PRKCA: variants seen among roughly 807,000 people sequenced by gnomAD.
The protein encoded by PRKCA is protein kinase C alpha type.
PRKCA carries 27 observed loss-of-function variants against 87.0 expected under a neutral mutation model. That is an observed-to-expected ratio of 0.31 (90% CI 0.23 to 0.43). PRKCA has a LOEUF of 0.43. Among genes scored for constraint, PRKCA ranks in the 20% least tolerant of loss-of-function variants. The pLI, the probability that PRKCA is intolerant of heterozygous loss-of-function variation, is 1.00. For synonymous variants in PRKCA, 329 were observed against 311.1 expected (o/e 1.06, Z -0.61); for missense variants, 518 against 852.3 (o/e 0.61, Z 4.88).
chr17:66,718,051 A>T (rs1973520978), intron 8 of PRKCA, among the ~76,000 whole-genome samples: 1 of 152,206 alleles, frequency 6.6e-6, no homozygotes, highest in Non-Finnish European at 1.5e-5. Context: ...GGACTGACTT[A>T]CTAAGGATCA....
intron 2 of PRKCA, among the ~76,000 whole-genome samples, chr17:66,462,694 T>C (rs1432766115): frequency 6.6e-6 from 1 of 152,184 alleles, no homozygotes; most frequent in Non-Finnish European, 1.5e-5. Flanking sequence ...GCAGCTTCTT[T>C]AGAGGCAATT....
rs73333324 is a variant in PRKCA at position 66,414,751 on chromosome 17, T to A, written c.206-81450T>A. Among the ~76,000 whole-genome samples, 399 of 152,284 alleles carry A rather than the reference T, an allele frequency of 2.6e-3. 3 individuals carry two copies. Among genetic ancestry groups the A allele is most frequent in the African/African-American group, 9.0e-3 (376 of 41,560 alleles). On this transcript the variant is annotated intron_variant, in intron 2 of 16. Transcript: ENST00000413366. ...ATGTTATAGTCTGGTGAACGCCAGG[T>A]GTACTGTACTGGAGAAAATAGAAAA...
intron 3 of PRKCA, among the ~76,000 whole-genome samples, chr17:66,592,360 A>AAAAAAAAAAC (rs1186925292): frequency 6.6e-6 from 1 of 151,616 alleles, no homozygotes; most frequent in Non-Finnish European, 1.5e-5. Flanking sequence ...AAAAAAAAAA[A>AAAAAAAAAAC]AGTTACCATT....
At chr17:66,319,844 G>T (rs1309933522) in intron 2 of PRKCA, among the ~76,000 whole-genome samples, 1 of 151,822 alleles carries the variant, frequency 6.6e-6, no homozygotes, top group Non-Finnish European at 1.5e-5. Flanking sequence ...TGGGTTCAAG[G>T]GATTCTCCTG....
intron 3 of PRKCA, among the ~76,000 whole-genome samples, chr17:66,527,256 G>A (rs984576758): frequency 2.3e-4 from 33 of 142,078 alleles, no homozygotes; most frequent in African/African-American, 8.1e-4. Context: ...ACTGTGCTTT[G>A]CATTCTCATT....
chr17:66,673,381 T>C (rs1972245063), intron 5 of PRKCA, among the ~76,000 whole-genome samples: 1 of 152,134 alleles, frequency 6.6e-6, no homozygotes, highest in South Asian at 2.1e-4. Context: ...ACCAGCAAAA[T>C]AGAATATTCA....
intron 2 of PRKCA, among the ~76,000 whole-genome samples, chr17:66,479,786 T>A (rs991488586): frequency 8.5e-5 from 13 of 152,282 alleles, no homozygotes; most frequent in Admixed American, 7.8e-4. Flanking sequence ...TTCTCACTTA[T>A]AAGTGACAGC....
intron 2 of PRKCA, among the ~76,000 whole-genome samples, chr17:66,443,898 C>T (rs1344384682): frequency 1.3e-5 from 2 of 152,154 alleles, no homozygotes; most frequent in Non-Finnish European, 2.9e-5. Context: ...TACATCTGAG[C>T]ACAGACTTAA....
At chr17:66,791,541 C>G (rs1244791061) in intron 16 of PRKCA, among the ~76,000 whole-genome samples, 1 of 152,190 alleles carries the variant, frequency 6.6e-6, no homozygotes, top group African/African-American at 2.4e-5. Context: ...GGGGCAAGCT[C>G]TGGTTCCTGG....
In PRKCA at chr17:66,418,267, A is replaced by G. The variant is rs1032125068; in HGVS notation, c.206-77934A>G. Among the ~76,000 whole-genome samples the G allele has an allele frequency of 3.3e-5, 5 of 152,212 alleles. No homozygotes were observed. The South Asian group carries it at 8.3e-4, about 25-fold the overall frequency. ...ATGTGTATAGTAAATGTATATATGC[A>G]TATATTTTATATTGACATTCTGTAG... On this transcript the variant is annotated intron_variant, in intron 2 of 16. Coordinates refer to ENST00000413366, the MANE Select transcript of PRKCA (RefSeq NM_002737.3).
rs572347420 is a variant in PRKCA at position 66,303,199 on chromosome 17, G to C, written c.173+175G>C. Among the ~76,000 whole-genome samples the C allele has an allele frequency of 2.0e-4, 31 of 152,136 alleles. 1 individual carries two copies. The highest frequency in any genetic ancestry group is 2.0e-3 in the Admixed American group (30 of 15,302). On this transcript the variant is annotated intron_variant, in intron 1 of 16. Transcript: ENST00000413366. ...GCCCGGCCCTGACACCGGCGGGCAGGACTCCCGGGACGTCGCCGTCCCGCC... is the reference window on the plus strand; with the variant it reads ...GCCCGGCCCTGACACCGGCGGGCAGCACTCCCGGGACGTCGCCGTCCCGCC...
At chr17:66,738,614 G>GA (rs1268267430) in intron 10 of PRKCA, 150 bp from the exon 11 acceptor site, 24 of 669,522 alleles carry the variant, frequency 3.6e-5, no homozygotes, top group African/African-American at 9.3e-5. Flanking sequence ...TCTTTCTTTG[G>GA]AAAAAAATGT....
At chr17:66,738,958 A>T (rs1422808614) in intron 11 of PRKCA, 103 bp downstream of exon 11, 4 of 906,148 alleles carry the variant, frequency 4.4e-6, no homozygotes, top group Non-Finnish European at 6.9e-6. Context: ...TCACTCTGTC[A>T]CTCAGGCTTT....
intron 2 of PRKCA, among the ~76,000 whole-genome samples, chr17:66,440,885 G>A (rs1003266854): frequency 3.3e-5 from 5 of 151,980 alleles, no homozygotes; most frequent in African/African-American, 7.2e-5. Context: ...AGTCAGGGCC[G>A]GGTATGGTGG....
In PRKCA at chr17:66,637,009, G is replaced by A. The variant is rs541337488; in HGVS notation, c.289-4346G>A. Among the ~76,000 whole-genome samples the A allele has an allele frequency of 5.3e-5, 8 of 151,458 alleles. 1 individual carries two copies. In the South Asian group the frequency reaches 1.7e-3, roughly 32 times the overall value. On this transcript the variant is annotated intron_variant, in intron 3 of 16. Transcript: ENST00000413366. ...TCATAGGCAGGATCTTTGGCCACAT[G>A]TAATTTTGGGGTGTGACAACTCCAA...
chr17:66,768,389 T>C lies in PRKCA; in HGVS notation c.1525-5598T>C, dbSNP rs185654134. On this transcript the variant is annotated intron_variant, in intron 13 of 16. Transcript: ENST00000413366. The stretch of plus-strand genomic sequence containing the variant: ...GGCATGAGCCACTGTGCCTTTCCCC[T>C]ATTCATTTTTAAGTTTGCTTTCTGG... Among the ~76,000 whole-genome samples, 17 of 152,274 alleles carry C rather than the reference T, an allele frequency of 1.1e-4. No homozygotes were observed. In the East Asian group the frequency reaches 2.9e-3, roughly 26 times the overall value.
intron 2 of PRKCA, among the ~76,000 whole-genome samples, chr17:66,437,731 T>TTTTTTAGTC (rs55779501): frequency 9.0e-5 from 1 of 11,142 alleles, no homozygotes. Context: ...TTTTTTTTTT[T>TTTTTTAGTC]GAGCGGGGGG....
chr17:66,459,725 A>T (rs909959780), intron 2 of PRKCA, among the ~76,000 whole-genome samples: 74 of 152,186 alleles, frequency 4.9e-4, no homozygotes, highest in African/African-American at 1.8e-3. Flanking sequence ...ACCCGACTCC[A>T]TCGGGGGTGC....
At chr17:66,518,695 A>G (rs1324079742) in intron 3 of PRKCA, among the ~76,000 whole-genome samples, 1 of 152,194 alleles carries the variant, frequency 6.6e-6, no homozygotes, top group East Asian at 1.9e-4. Flanking sequence ...TCATTAGAGA[A>G]TACATTCAAA....
Sources: allele counts gnomAD v4.1 joint callset (sites outside exome capture counted in the v4.1 genomes callset), GRCh38; gene constraint gnomAD v4.1.1; transcripts MANE v1.5; gene names NCBI Gene and HGNC (gene_info 2026-07-23, HGNC 2026-07-21).